Variants in DST observed in about 807,000 individuals in gnomAD.
DST encodes the protein bullous pemphigoid antigen.
DST carries 253 observed loss-of-function variants against 875.2 expected under a neutral mutation model. The ratio of observed to expected loss-of-function variants is 0.29; its 90% CI spans 0.26 to 0.32. DST has a LOEUF of 0.32. DST is among the 10% of genes least tolerant of loss of function. The pLI is 1.00. For missense variants in DST, 8,287 were observed against 9,111.6 expected (o/e 0.91, Z 3.68); for synonymous variants, 3,124 against 3,197.1 (o/e 0.98, Z 0.77).
At chr6:56,872,295 G>A (rs1777565475) in intron 3 of DST, among the ~76,000 whole-genome samples, 1 of 152,154 alleles carries the variant, frequency 6.6e-6, no homozygotes, top group Non-Finnish European at 1.5e-5. Context: ...AAAAAAGGTA[G>A]TTTCAAATAA....
chr6:56,603,465 AC>A lies in DST; in HGVS notation c.10942-46del. On this transcript the variant is annotated intron_variant, in intron 41 of 103. Transcript: ENST00000680361. ...GGACCTATTTACTATTTAGTGAAAA[AC>A]CCAAATATAAACATGAAACATAGAA... The A allele has an allele frequency of 2.5e-6, 4 of 1,597,178 alleles. No individual in the cohort carries two copies. In the Middle Eastern group the frequency reaches 7.2e-4, roughly 287 times the overall value.
chr6:56,758,831 C>A (rs545065393), intron 4 of DST, among the ~76,000 whole-genome samples: 2 of 152,332 alleles, frequency 1.3e-5, no homozygotes, highest in East Asian at 1.9e-4. Context: ...AAGGCAGAGG[C>A]TGCATCACCT....
chr6:56,614,246 A>G, intron 37 of DST, 110 bp downstream of exon 37: 1 of 1,043,370 alleles, frequency 9.6e-7, no homozygotes, highest in Non-Finnish European at 1.3e-6. Flanking sequence ...TTGGGCTATA[A>G]CAATGGGAAA....
intron 4 of DST, among the ~76,000 whole-genome samples, chr6:56,836,608 T>C (rs1182301154): frequency 6.6e-6 from 1 of 151,880 alleles, no homozygotes; most frequent in Non-Finnish European, 1.5e-5. Context: ...CCCAGCACTT[T>C]GGGAGGCCGA....
chr6:56,817,571 G>A (rs572639471), intron 4 of DST, among the ~76,000 whole-genome samples: 2 of 152,168 alleles, frequency 1.3e-5, no homozygotes, highest in East Asian at 3.9e-4. Context: ...TTTCCTTTGA[G>A]TATTTCTCCC....
chr6:56,521,805 AACATGGTC>A (rs1320050400), intron 69 of DST, among the ~76,000 whole-genome samples: 3 of 152,022 alleles, frequency 2.0e-5, no homozygotes, highest in Non-Finnish European at 2.9e-5. Flanking sequence ...ATGGAACATA[AACATGGTC>A]CATAAACATA....
intron 65 of DST, 22 bp downstream of exon 65, chr6:56,529,952 T>C (rs773129084): frequency 1.2e-6 from 2 of 1,611,786 alleles, no homozygotes; most frequent in Non-Finnish European, 1.7e-6. Context: ...TGAACCTCGC[T>C]AATGTGTGAT....
intron 2 of DST, among the ~76,000 whole-genome samples, chr6:56,915,278 A>T (rs2127725441): frequency 6.6e-6 from 1 of 152,380 alleles, no homozygotes; most frequent in Non-Finnish European, 1.5e-5. Context: ...ACAAGAACTT[A>T]GGAAATATAA....
chr6:56,689,523 TCTG>T (rs1269774363), intron 9 of DST, among the ~76,000 whole-genome samples: 1 of 152,186 alleles, frequency 6.6e-6, no homozygotes, highest in Non-Finnish European at 1.5e-5. Flanking sequence ...CAGAAGATAT[TCTG>T]ATTAAATTAA....
intron 4 of DST, among the ~76,000 whole-genome samples, chr6:56,760,214 T>G (rs16888158): frequency 0.012 from 1,808 of 152,280 alleles, 24 homozygotes; most frequent in Middle Eastern, 0.02. Context: ...AGCAAATCCA[T>G]AGAATGAACT....
chr6:56,741,242 G>A (rs1439243869), intron 4 of DST, among the ~76,000 whole-genome samples: 1 of 152,120 alleles, frequency 6.6e-6, no homozygotes, highest in Admixed American at 6.5e-5. Context: ...TTGTTGTTGT[G>A]CTAGATGCTC....
rs921008060 is a variant in DST, at chr6:56,639,281, T to C, written c.2942A>G (p.His981Arg). 6.2e-7 allele frequency: 1 copy of C among 1,613,688 alleles called. No individual in the cohort carries two copies. The highest frequency in any genetic ancestry group is 8.5e-7 in the Non-Finnish European group (1 of 1,179,768). Residue 981 changes from histidine to arginine, a missense_variant, in exon 22 of 104, where the codon CAT (histidine) becomes CGT (arginine). By Grantham distance (29) the His-to-Arg change is conservative (BLOSUM62 0). Coordinates refer to ENST00000680361, the MANE Select transcript of DST (RefSeq NM_001374736.1). ...EIAEQLLLEN[H>R]PARLTIEAYR... is the part of the protein sequence containing the mutation. ...TACCTCAATAGTTAACCGGGCTGGA[T>C]GATTTTCTAGAAGTAGCTGCTCTGC...
At chr6:56,617,058 T>C (rs1428764673) in intron 36 of DST, 1 of 1,614,042 alleles carries the variant, frequency 6.2e-7, no homozygotes, top group Non-Finnish European at 8.5e-7. Flanking sequence ...GCAATTGAGG[T>C]GGCTTTCGTC....
intron 68 of DST, among the ~76,000 whole-genome samples, chr6:56,527,198 C>G (rs2096818411): frequency 6.6e-6 from 1 of 152,038 alleles, no homozygotes; most frequent in African/African-American, 2.4e-5. Context: ...TTATGTGTGT[C>G]TCTGAAACAA....
intron 94 of DST, 50 bp from the exon 95 acceptor site, chr6:56,471,318 T>G: frequency 7.4e-7 from 1 of 1,343,758 alleles, no homozygotes; most frequent in South Asian, 1.4e-5. Context: ...ACTAAAATTG[T>G]AGACTATACT....
chr6:56,708,732 G>A (rs2099350827), intron 5 of DST, among the ~76,000 whole-genome samples: 1 of 152,178 alleles, frequency 6.6e-6, no homozygotes, highest in African/African-American at 2.4e-5. Context: ...TATGGGTAAA[G>A]GGTGGTCGGG....
At chr6:56,946,639 A>G (rs923463750) in intron 2 of DST, among the ~76,000 whole-genome samples, 13 of 152,182 alleles carry the variant, frequency 8.5e-5, no homozygotes, top group African/African-American at 3.1e-4. Context: ...CGACAGATGA[A>G]TTTTTCATTG....
chr6:56,544,688 C>A (rs896339845), intron 61 of DST, among the ~76,000 whole-genome samples: 7 of 149,358 alleles, frequency 4.7e-5, no homozygotes, highest in South Asian at 2.1e-4. Flanking sequence ...AAAATATTCC[C>A]TAGTTAATTG....
intron 92 of DST, among the ~76,000 whole-genome samples, chr6:56,475,133 CCACTGCTTAT>C (rs2095113068): frequency 6.6e-6 from 1 of 151,944 alleles, no homozygotes; most frequent in Non-Finnish European, 1.5e-5. Flanking sequence ...AACTATCTTG[CCACTGCTTAT>C]CTCATCTCCT....
Sources: allele counts gnomAD v4.1 joint callset (sites outside exome capture counted in the v4.1 genomes callset), GRCh38; gene constraint gnomAD v4.1.1; transcripts MANE v1.5; gene names NCBI Gene and HGNC (gene_info 2026-07-23, HGNC 2026-07-21).